LRRFIP1: variants seen among roughly 807,000 people sequenced by gnomAD.
The protein encoded by LRRFIP1 is leucine-rich repeat flightless-interacting protein 1.
In LRRFIP1, 62 loss-of-function variants were observed where a neutral mutation model predicts 104.4. The ratio of observed to expected loss-of-function variants is 0.59; its 90% confidence interval spans 0.48 to 0.73. The LOEUF (loss-of-function observed/expected upper bound fraction) is 0.73. LRRFIP1 is among the 30% of genes least tolerant of loss of function. The pLI, the probability that LRRFIP1 is intolerant of heterozygous loss-of-function variation, is 0.00. For synonymous variants in LRRFIP1, 300 were observed against 299.0 expected (o/e 1.00, Z -0.03); for missense variants, 796 against 824.5 (o/e 0.97, Z 0.42).
At chr2:237,688,456 C>CT (rs67002704) in intron 1 of LRRFIP1, among the ~76,000 whole-genome samples, 4 of 90,160 alleles carry the variant, frequency 4.4e-5, no homozygotes, top group Non-Finnish European at 6.9e-5. Context: ...TTTTTTTTTT[C>CT]TTTTTTTTTT....
chr2:237,739,989 G>A (rs909792520), intron 11 of LRRFIP1, among the ~76,000 whole-genome samples: 2 of 152,038 alleles, frequency 1.3e-5, no homozygotes, highest in Non-Finnish European at 2.9e-5. Context: ...GCACATGGCC[G>A]GGGAAACAGC....
chr2:237,670,529 G>A (rs887257260), intron 1 of LRRFIP1, among the ~76,000 whole-genome samples: 12 of 152,256 alleles, frequency 7.9e-5, no homozygotes, highest in Non-Finnish European at 5.9e-5. Flanking sequence ...GTGCCTCACC[G>A]AGCCTCAGTT....
rs150670733 is a variant in LRRFIP1 at position 237,734,044 on chromosome 2, G to C, written c.489+226G>C. Among the ~76,000 whole-genome samples the C allele has an allele frequency of 9.5e-4, 144 of 152,272 alleles. 1 individual carries two copies. Among genetic ancestry groups the C allele is most frequent in the African/African-American group, 3.0e-3 (126 of 41,576 alleles). On this transcript the variant is annotated intron_variant, in intron 9 of 23. Coordinates refer to ENST00000308482, the MANE Select transcript of LRRFIP1 (RefSeq NM_001137550.2). Reference sequence around the variant, plus strand: ...TAGCTGCCACACTGCTCTGTCTCCAGGAAGCCTTGTGTTTGCTGGGATCGT... The same window carrying C: ...TAGCTGCCACACTGCTCTGTCTCCACGAAGCCTTGTGTTTGCTGGGATCGT...
chr2:237,737,821 A>G (rs891504433), intron 10 of LRRFIP1, among the ~76,000 whole-genome samples: 2 of 152,258 alleles, frequency 1.3e-5, no homozygotes, highest in Non-Finnish European at 2.9e-5. Context: ...TGTACACAGC[A>G]GTATTAATCT....
At chr2:237,759,867 C>G (rs1262867673) in intron 18 of LRRFIP1, among the ~76,000 whole-genome samples, 197 bp from the exon 19 acceptor site, 1 of 152,046 alleles carries the variant, frequency 6.6e-6, no homozygotes, top group Non-Finnish European at 1.5e-5. Context: ...AAAGAAGTAG[C>G]CTTTGGAGGA....
chr2:237,627,601 G>T lies in LRRFIP1; in HGVS notation c.-44G>T, dbSNP rs568486897. The T allele has an allele frequency of 3.5e-6, 4 of 1,144,456 alleles. No individual in the cohort carries two copies. The highest frequency in any genetic ancestry group is 4.4e-6 in the Non-Finnish European group (4 of 913,210). 70.9% of individuals were successfully genotyped at this position (1,144,456 alleles called of 1,614,324 possible). ...GGGGCCGGGCCGGGGCGGCGCGAGC[G>T]GCTGGAGCAACGGGCCCCGCGGCAG... On this transcript the variant is annotated 5_prime_UTR_variant, in exon 1 of 24. Coordinates refer to ENST00000308482, the MANE Select transcript of LRRFIP1 (RefSeq NM_001137550.2).
chr2:237,719,741 A>G (rs1016698332), intron 5 of LRRFIP1, among the ~76,000 whole-genome samples, 174 bp downstream of exon 5: 38 of 152,184 alleles, frequency 2.5e-4, no homozygotes, highest in African/African-American at 8.9e-4. Flanking sequence ...AATAAAGACT[A>G]TGAACTTAGC....
At chr2:237,720,696 C>G in intron 5 of LRRFIP1, 76 bp from the exon 6 acceptor site, 1 of 1,348,974 alleles carries the variant, frequency 7.4e-7, no homozygotes, top group Non-Finnish European at 1.1e-6. Context: ...CCAGCATCCC[C>G]CTGAAACTTG....
intron 2 of LRRFIP1, among the ~76,000 whole-genome samples, chr2:237,712,653 G>A (rs957582405): frequency 4.0e-5 from 6 of 151,890 alleles, no homozygotes; most frequent in South Asian, 2.1e-4. Flanking sequence ...ATGTGTGTGT[G>A]CATGTGTGTG....
At chr2:237,763,637 G>C in intron 19 of LRRFIP1, 1 of 1,614,066 alleles carries the variant, frequency 6.2e-7, no homozygotes, top group Non-Finnish European at 8.5e-7. Flanking sequence ...CAGTGAAAAT[G>C]TTGATTGTCC....
intron 1 of LRRFIP1, among the ~76,000 whole-genome samples, chr2:237,699,979 G>GATAC (rs2149874789): frequency 6.6e-6 from 1 of 152,348 alleles, no homozygotes; most frequent in Admixed American, 6.5e-5. Context: ...TTGGAACTGA[G>GATAC]ATACAGTGCA....
chr2:237,748,507 C>CATCCT, intron 12 of LRRFIP1, 108 bp downstream of exon 12: 1 of 1,076,180 alleles, frequency 9.3e-7, no homozygotes, highest in Non-Finnish European at 1.4e-6. Flanking sequence ...AGCGAGGGAA[C>CATCCT]TGGACTAGAA....
intron 1 of LRRFIP1, among the ~76,000 whole-genome samples, chr2:237,667,204 G>A (rs184437004): frequency 3.4e-4 from 52 of 152,060 alleles, no homozygotes; most frequent in Non-Finnish European, 6.8e-4. Context: ...ACAGGCCCTG[G>A]TAAGTGTTGT....
At chr2:237,673,965 A>C (rs549522271) in intron 1 of LRRFIP1, among the ~76,000 whole-genome samples, 3 of 152,248 alleles carry the variant, frequency 2.0e-5, no homozygotes, top group Non-Finnish European at 4.4e-5. Flanking sequence ...TCCTCACAAC[A>C]ACCACCCCTA....
intron 1 of LRRFIP1, among the ~76,000 whole-genome samples, chr2:237,686,686 G>A (rs1226856688): frequency 6.6e-6 from 1 of 152,250 alleles, no homozygotes; most frequent in Non-Finnish European, 1.5e-5. Context: ...CGGCACTGGA[G>A]CTGTTGTGGA....
chr2:237,752,454 G>A (rs1421140498), intron 14 of LRRFIP1, among the ~76,000 whole-genome samples: 2 of 152,212 alleles, frequency 1.3e-5, no homozygotes, highest in African/African-American at 4.8e-5. Context: ...CCGGAGACCC[G>A]CTGGTCCCAC....
intron 1 of LRRFIP1, among the ~76,000 whole-genome samples, chr2:237,690,709 C>T (rs1458322536): frequency 6.8e-6 from 1 of 148,056 alleles, no homozygotes; most frequent in Non-Finnish European, 1.5e-5. Context: ...TGCACTCCAG[C>T]CTGGGCGACA....
chr2:237,647,512 G>C (rs536079903), intron 1 of LRRFIP1, among the ~76,000 whole-genome samples: 1 of 152,196 alleles, frequency 6.6e-6, no homozygotes, highest in Non-Finnish European at 1.5e-5. Flanking sequence ...TCCCTCAGAT[G>C]GGTGCCCCCC....
chr2:237,738,604 TAAATC>T (rs888659687), intron 10 of LRRFIP1, among the ~76,000 whole-genome samples: 66 of 152,328 alleles, frequency 4.3e-4, no homozygotes, highest in African/African-American at 1.4e-3. Context: ...GATGTGAACA[TAAATC>T]AAAGTTACAA....
Sources: gnomAD v4.1 joint callset for allele counts (sites outside exome capture counted in the v4.1 genomes callset) on GRCh38, gnomAD v4.1.1 for gene constraint, MANE v1.5 for transcripts, NCBI Gene and HGNC (gene_info 2026-07-23, HGNC 2026-07-21) for gene names.